GLRX5: variants seen among roughly 807,000 people sequenced by gnomAD.
GLRX5 encodes glutaredoxin 5, also known as glutaredoxin-related protein 5, mitochondrial.
GLRX5 carries 10 observed loss-of-function variants against 13.8 expected under a neutral mutation model. The observed-to-expected ratio is 0.72, with a 90% CI of 0.45 to 1.23. GLRX5 has a LOEUF of 1.23. Ranked by LOEUF, GLRX5 falls within the 50% of genes most tolerant of loss-of-function variation. The pLI is 0.00. For synonymous variants in GLRX5, 98 were observed against 101.1 expected, an observed-to-expected ratio of 0.97 and a Z score of 0.18; for missense variants, 233 against 215.2, an observed-to-expected ratio of 1.08 and a Z score of -0.52.
chr14:95,536,472 T>C (rs1891383197), intron 1 of GLRX5, among the ~76,000 whole-genome samples: 1 of 152,214 alleles, frequency 6.6e-6, no homozygotes, highest in African/African-American at 2.4e-5. Flanking sequence ...CCAGGTTCTC[T>C]GTTACTCTAA....
At chr14:95,537,042 G>C (rs1238226333) in intron 1 of GLRX5, among the ~76,000 whole-genome samples, 1 of 152,198 alleles carries the variant, frequency 6.6e-6, no homozygotes, top group Non-Finnish European at 1.5e-5. Flanking sequence ...TAAAAGAGGA[G>C]TAACTATTTT....
intron 1 of GLRX5, among the ~76,000 whole-genome samples, chr14:95,539,410 G>A (rs1167744870): frequency 2.6e-5 from 4 of 152,180 alleles, no homozygotes; most frequent in African/African-American, 9.7e-5. Context: ...TAGTTAAAAT[G>A]AACTAGATCT....
At chr14:95,543,682 G>T in intron 1 of GLRX5, 1 of 456,330 alleles carries the variant, frequency 2.2e-6, no homozygotes, top group Non-Finnish European at 4.0e-6. Context: ...AAAAAACCTT[G>T]GGAGATGAGG....
chr14:95,536,305 C>G (rs1891377690), intron 1 of GLRX5, among the ~76,000 whole-genome samples: 1 of 152,170 alleles, frequency 6.6e-6, no homozygotes, highest in Admixed American at 6.5e-5. Flanking sequence ...GCTCCTTGGC[C>G]AGGATGGTCA....
chr14:95,538,315 C>T (rs11850923), intron 1 of GLRX5, among the ~76,000 whole-genome samples: 33,667 of 152,166 alleles, frequency 0.22, 3,858 homozygotes, highest in East Asian at 0.35. Context: ...TAAACATTTG[C>T]TGCCGATTTA....
rs1478002008 is a variant in GLRX5 at position 95,535,061 on chromosome 14, C to T, written c.-29C>T. 1 of 1,328,912 alleles carries T rather than the reference C, an allele frequency of 7.5e-7. No homozygotes were observed. The highest frequency in any genetic ancestry group is 2.9e-5 in the Admixed American group (1 of 34,944). 82.3% of individuals were successfully genotyped at this position (1,328,912 alleles called of 1,614,324 possible). A position where few individuals can be genotyped will look rare whatever the true frequency, so the allele number is the denominator to read the frequency against. ...CTGGGTGGCCAGCTGTGGGCCCGGG[C>T]CGTCGTGGGCTCCGGCTTGCGTGCG... On this transcript the variant is annotated 5_prime_UTR_variant, in exon 1 of 2. Transcript: ENST00000331334.
chr14:95,543,616 T>A, intron 1 of GLRX5: 1 of 350,096 alleles, frequency 2.9e-6, no homozygotes, highest in Admixed American at 4.4e-5. Context: ...TAATCTAAGG[T>A]CCGCAATGTA....
chr14:95,542,061 A>G (rs1891482737), intron 1 of GLRX5, among the ~76,000 whole-genome samples: 1 of 152,262 alleles, frequency 6.6e-6, no homozygotes, highest in Non-Finnish European at 1.5e-5. Context: ...TCTCGCACCC[A>G]GCTCTCAGTC....
rs756352360 is a variant in GLRX5, at chr14:95,535,400, C to G, written c.295+16C>G. ...CTCCGACAAGGTCAGGCCAGTGTGC[C>G]GGGCAGGCGCCCTCCGCCCCGGGCC... is the stretch of plus-strand genomic sequence containing the variant. On this transcript the variant is annotated intron_variant, in intron 1 of 1. Transcript: ENST00000331334. 8.4e-6 allele frequency: 13 copies of G among 1,544,058 alleles called. No individual in the cohort carries two copies. Among genetic ancestry groups the G allele is most frequent in the Non-Finnish European group, 1.0e-5 (12 of 1,144,872 alleles).
rs1183719585 is a variant in GLRX5, at chr14:95,544,334, A to T, written c.*209A>T. The T allele has an allele frequency of 3.3e-6, 2 of 600,794 alleles. No individual in the cohort carries two copies. The highest frequency in any genetic ancestry group is 6.0e-6 in the Non-Finnish European group (2 of 335,370). The allele number at this position is 600,794 out of a possible 1,614,324, so 37.2% of individuals were successfully genotyped here. On this transcript the variant is annotated 3_prime_UTR_variant, in exon 2 of 2. Transcript: ENST00000331334. ...GACTTAATTACAACCACTGCACTGTAATGATTCAATGCTGTATTATGATAT... is the reference window on the plus strand; with the variant it reads ...GACTTAATTACAACCACTGCACTGTTATGATTCAATGCTGTATTATGATAT...
chr14:95,536,822 A>AGTG (rs1248139567), intron 1 of GLRX5, among the ~76,000 whole-genome samples: 1 of 152,154 alleles, frequency 6.6e-6, no homozygotes, highest in African/African-American at 2.4e-5. Context: ...TGTAGGTGAT[A>AGTG]GTGGTGGTGG....
chr14:95,535,284 C>T lies in GLRX5; in HGVS notation c.195C>T (p.Pro65=), dbSNP rs1226022520. ...VVFLKGTPEQ[P]QCGFSNAVVQ... ...TCCTCAAGGGGACGCCGGAGCAGCC[C>T]CAGTGCGGCTTCAGCAACGCCGTGG... The change falls in exon 1 of 2, where the codon CCC becomes CCT. Residue 65 remains proline (P), a synonymous_variant. Transcript: ENST00000331334. 2 of 1,567,970 alleles carry T rather than the reference C, an allele frequency of 1.3e-6. No homozygotes were observed. The highest frequency in any genetic ancestry group is 1.9e-5 in the Admixed American group (1 of 51,932).
chr14:95,541,916 A>G (rs1238377910), intron 1 of GLRX5, among the ~76,000 whole-genome samples: 1 of 152,232 alleles, frequency 6.6e-6, no homozygotes, highest in Admixed American at 6.5e-5. Flanking sequence ...TATCATGGAA[A>G]GCTTCACACA....
intron 1 of GLRX5, among the ~76,000 whole-genome samples, chr14:95,537,185 G>A (rs777483851): frequency 2.6e-5 from 4 of 152,132 alleles, no homozygotes; most frequent in Non-Finnish European, 5.9e-5. Context: ...ATTTTCTCTT[G>A]TTTAATATAA....
intron 1 of GLRX5, among the ~76,000 whole-genome samples, chr14:95,541,693 A>G (rs1475838471): frequency 6.6e-6 from 1 of 152,254 alleles, no homozygotes; most frequent in East Asian, 1.9e-4. Flanking sequence ...TATGATCAAC[A>G]GCAACATAAA....
intron 1 of GLRX5, among the ~76,000 whole-genome samples, chr14:95,536,157 G>C (rs1257871719): frequency 6.6e-6 from 1 of 152,186 alleles, no homozygotes; most frequent in Non-Finnish European, 1.5e-5. Flanking sequence ...AGCCCAGGGG[G>C]CCAGGGCACC....
At position 95,535,367 on chromosome 14, in the gene GLRX5, A is replaced by G; in HGVS notation, c.278A>G (p.Asp93Gly). The G allele has an allele frequency of 6.4e-7, 1 of 1,551,092 alleles. No individual in the cohort carries two copies. Among genetic ancestry groups the G allele is most frequent in the Non-Finnish European group, 8.7e-7 (1 of 1,147,704 alleles). ...TACGCGGCCTACAACGTGCTGGACG[A>G]CCCGGAGCTCCGACAAGGTCAGGCC... ...RDYAAYNVLD[D>G]PELRQGIKDY... is the part of the protein sequence containing the mutation. The change falls in exon 1 of 2, where the codon GAC becomes GGC. Residue 93 changes from aspartate (D) to glycine (G), a missense_variant. Asp to Gly is a moderately conservative substitution (Grantham distance 94, BLOSUM62 -1). Coordinates refer to ENST00000331334, the MANE Select transcript of GLRX5 (RefSeq NM_016417.3).
In GLRX5 at chr14:95,535,313, A is replaced by G; in HGVS notation, c.224A>G (p.Gln75Arg). Residue 75 changes from glutamine (Q) to arginine (R), a missense_variant, in exon 1 of 2, where the codon CAG becomes CGG. Transcript: ENST00000331334. ...PQCGFSNAVV[Q>R]ILRLHGVRDY... is the part of the protein sequence containing the mutation. Reference sequence around the variant, plus strand: ...TGCGGCTTCAGCAACGCCGTGGTGCAGATCCTGCGGCTGCACGGCGTCCGC... The same window carrying G: ...TGCGGCTTCAGCAACGCCGTGGTGCGGATCCTGCGGCTGCACGGCGTCCGC... 1 of 1,558,120 alleles carries G rather than the reference A, an allele frequency of 6.4e-7. No individual in the cohort carries two copies. Among genetic ancestry groups the G allele is most frequent in the Non-Finnish European group, 8.7e-7 (1 of 1,151,232 alleles).
chr14:95,540,512 C>T (rs2139650095), intron 1 of GLRX5, among the ~76,000 whole-genome samples: 2 of 152,330 alleles, frequency 1.3e-5, no homozygotes, highest in East Asian at 3.9e-4. Flanking sequence ...ATCTACTGAT[C>T]CTTAAGCCTG....
Sources: allele counts gnomAD v4.1 joint callset (sites outside exome capture counted in the v4.1 genomes callset), GRCh38; gene constraint gnomAD v4.1.1; transcripts MANE v1.5; gene names NCBI Gene and HGNC (gene_info 2026-07-23, HGNC 2026-07-21).